Variants in USP32 observed in about 807,000 individuals in gnomAD.
The protein encoded by USP32 is ubiquitin carboxyl-terminal hydrolase 32.
Under a neutral mutation model 204.8 loss-of-function variants are expected in USP32, and 59 were observed. The ratio of observed to expected loss-of-function variants is 0.29; its 90% confidence interval spans 0.23 to 0.36. USP32 has a LOEUF of 0.36. Ranked by LOEUF, USP32 falls within the 10% of genes least tolerant of loss-of-function variation. The probability of loss-of-function intolerance (pLI) is 1.00; values close to 1 mark genes in which losing one functional copy is unlikely to be tolerated. For missense variants in USP32, 1,160 were observed against 1,946.4 expected (o/e 0.60, Z 7.60); for synonymous variants, 517 against 678.4 (o/e 0.76, Z 3.70).
At chr17:60,340,991 A>G (rs981997599) in intron 2 of USP32, among the ~76,000 whole-genome samples, 6 of 151,268 alleles carry the variant, frequency 4.0e-5, no homozygotes, top group African/African-American at 1.5e-4. Flanking sequence ...AATGTTGAAT[A>G]TTGGCCCCCA....
At chr17:60,413,227 GA>G (rs1472100828) in intron 1 of USP32, among the ~76,000 whole-genome samples, 3 of 152,196 alleles carry the variant, frequency 2.0e-5, no homozygotes, top group Non-Finnish European at 4.4e-5. Flanking sequence ...GTGGGGGAGG[GA>G]AAGACCTTAT....
At chr17:60,393,132 T>G (rs1422459372), upstream of USP32, among the ~76,000 whole-genome samples, 1 of 152,116 alleles carries the variant, frequency 6.6e-6, no homozygotes, top group East Asian at 1.9e-4. Context: ...CCAATCCCCC[T>G]CCCACTGGTC....
intron 1 of USP32, among the ~76,000 whole-genome samples, chr17:60,367,048 C>T (rs1433246396): frequency 2.0e-5 from 3 of 152,060 alleles, no homozygotes; most frequent in Non-Finnish European, 4.4e-5. Flanking sequence ...AGGATGGTCT[C>T]AATCTCCTGA....
chr17:60,291,338 T>C (rs904688567), intron 4 of USP32, among the ~76,000 whole-genome samples: 1 of 152,184 alleles, frequency 6.6e-6, no homozygotes, highest in Non-Finnish European at 1.5e-5. Flanking sequence ...AAAATATAAA[T>C]TTCCATTTTA....
intron 2 of USP32, among the ~76,000 whole-genome samples, chr17:60,334,941 G>C (rs1156929699): frequency 7.0e-6 from 1 of 142,292 alleles, no homozygotes; most frequent in African/African-American, 3.0e-5. Flanking sequence ...TTACAGGCGT[G>C]AGCCACCGCG....
intron 15 of USP32, among the ~76,000 whole-genome samples, chr17:60,221,695 G>A (rs1433986745): frequency 4.6e-5 from 7 of 151,832 alleles, no homozygotes; most frequent in African/African-American, 7.3e-5. Context: ...TATTAGACAC[G>A]GGGTTTCACT....
intron 9 of USP32, among the ~76,000 whole-genome samples, chr17:60,258,659 A>T (rs1233242020): frequency 6.6e-6 from 1 of 152,212 alleles, no homozygotes; most frequent in Non-Finnish European, 1.5e-5. Context: ...AATTAAACAG[A>T]TATCTTCAAT....
At chr17:60,201,987 A>G (rs1194700390) in intron 26 of USP32, among the ~76,000 whole-genome samples, 1 of 152,028 alleles carries the variant, frequency 6.6e-6, no homozygotes, top group African/African-American at 2.4e-5. Context: ...GTCCAATTTA[A>G]TCTTTTCTTT....
intron 1 of USP32, among the ~76,000 whole-genome samples, chr17:60,373,193 G>A (rs952173725): frequency 4.6e-5 from 7 of 151,966 alleles, no homozygotes; most frequent in African/African-American, 7.3e-5. Flanking sequence ...ACCCTGTCTC[G>A]AGACAAAACT....
At chr17:60,244,821 G>A (rs1598131515) in intron 11 of USP32, among the ~76,000 whole-genome samples, 1 of 152,264 alleles carries the variant, frequency 6.6e-6, no homozygotes, top group African/African-American at 2.4e-5. Context: ...GAGTAGAGAC[G>A]AGGTTTTGCC....
intron 2 of USP32, among the ~76,000 whole-genome samples, chr17:60,330,553 C>G (rs1439928256): frequency 1.4e-5 from 2 of 147,978 alleles, no homozygotes; most frequent in Non-Finnish European, 3.0e-5. Context: ...CTCTCTCTCT[C>G]TCTTTTTTTT....
upstream of USP32, among the ~76,000 whole-genome samples, chr17:60,393,693 T>TTC (rs992693770): frequency 2.0e-5 from 3 of 152,004 alleles, no homozygotes; most frequent in African/African-American, 7.2e-5. Flanking sequence ...TTTTCTTTTT[T>TTC]TTTTTTTTGA....
intron 2 of USP32, among the ~76,000 whole-genome samples, chr17:60,302,629 G>A (rs980948166): frequency 1.3e-5 from 2 of 152,080 alleles, no homozygotes; most frequent in Non-Finnish European, 2.9e-5. Flanking sequence ...CTTTCTCTTG[G>A]GAGTCCTTAT....
intron 1 of USP32, among the ~76,000 whole-genome samples, chr17:60,391,072 G>A (rs974586792): frequency 6.6e-6 from 1 of 152,224 alleles, no homozygotes; most frequent in Non-Finnish European, 1.5e-5. Context: ...TAAGCAGCAG[G>A]CCGGGACTGG....
chr17:60,185,183 T>C (rs1442075290), intron 30 of USP32, among the ~76,000 whole-genome samples: 1 of 152,222 alleles, frequency 6.6e-6, no homozygotes, highest in Non-Finnish European at 1.5e-5. Flanking sequence ...ATTCACCACG[T>C]TGTACCCCTT....
intron 1 of USP32, among the ~76,000 whole-genome samples, chr17:60,402,708 C>A (rs1000304286): frequency 1.3e-5 from 2 of 152,180 alleles, no homozygotes; most frequent in African/African-American, 4.8e-5. Flanking sequence ...TAGCATAAAA[C>A]AATGACAACA....
At chr17:60,339,913 T>C (rs999720252) in intron 2 of USP32, among the ~76,000 whole-genome samples, 1 of 152,254 alleles carries the variant, frequency 6.6e-6, no homozygotes, top group South Asian at 2.1e-4. Context: ...AAAACATTAT[T>C]AGCTAGGGAA....
chr17:60,388,737 T>C (rs776148915), intron 1 of USP32, among the ~76,000 whole-genome samples: 1 of 152,180 alleles, frequency 6.6e-6, no homozygotes, highest in African/African-American at 2.4e-5. Context: ...CCTAACAGTG[T>C]TTAAATGTAC....
rs1490366502 is a variant in USP32, at chr17:60,228,499, TTC to T, written c.1240-2270_1240-2269del. Among the ~76,000 whole-genome samples the T allele has an allele frequency of 4.4e-3, 625 of 141,830 alleles. 10 individuals are homozygous for T. The highest frequency in any genetic ancestry group is 0.016 in the African/African-American group (557 of 34,106). The allele number at this position is 141,830 out of a possible 152,430, so 93.0% of individuals were successfully genotyped here. ...TTTAAATTAGGTTTCTTTTTTCTTT[TTC>T]TTTTTTTTTTTTTTTTTAATTAAAA... On this transcript the variant is annotated intron_variant, in intron 12 of 33. Transcript: ENST00000300896.
Sources: gnomAD v4.1 joint callset for allele counts (sites outside exome capture counted in the v4.1 genomes callset) on GRCh38, gnomAD v4.1.1 for gene constraint, MANE v1.5 for transcripts, NCBI Gene and HGNC (gene_info 2026-07-23, HGNC 2026-07-21) for gene names.